ATF7IP: variants seen among roughly 807,000 people sequenced by gnomAD.
ATF7IP encodes activating transcription factor 7 interacting protein, also known as activating transcription factor 7-interacting protein 1.
ATF7IP carries 23 observed loss-of-function variants against 106.4 expected under a neutral mutation model. That is an observed-to-expected ratio of 0.22 (90% CI 0.16 to 0.31). The LOEUF (loss-of-function observed/expected upper bound fraction) is 0.31, where lower values mean the gene tolerates loss of function less well. Ranked by LOEUF, ATF7IP falls within the 10% of genes least tolerant of loss-of-function variation. The pLI, the probability that ATF7IP is intolerant of heterozygous loss-of-function variation, is 1.00. For missense variants in ATF7IP, 1,334 were observed against 1,524.3 expected (o/e 0.88, Z 2.08); for synonymous variants, 542 against 539.0 (o/e 1.01, Z -0.08).
intron 1 of ATF7IP, among the ~76,000 whole-genome samples, chr12:14,366,105 C>A (rs1031850285): frequency 6.6e-6 from 1 of 152,196 alleles, no homozygotes; most frequent in African/African-American, 2.4e-5. Flanking sequence ...ATTTAATTTT[C>A]CTCGTTCTTG....
chr12:14,401,404 C>G (rs1940187120), intron 1 of ATF7IP, among the ~76,000 whole-genome samples: 1 of 152,152 alleles, frequency 6.6e-6, no homozygotes, highest in African/African-American at 2.4e-5. Context: ...ACCATGTTGG[C>G]CAGGCAGGTC....
intron 10 of ATF7IP, 106 bp from the exon 11 acceptor site, chr12:14,475,784 A>T: frequency 1.3e-6 from 1 of 779,870 alleles, no homozygotes; most frequent in Non-Finnish European, 2.0e-6. Context: ...GTCCAGATTG[A>T]ACCAGGTTAC....
chr12:14,419,547 C>A (rs955461183), intron 1 of ATF7IP, among the ~76,000 whole-genome samples: 1 of 152,122 alleles, frequency 6.6e-6, no homozygotes, highest in South Asian at 2.1e-4. Context: ...AACTATACTA[C>A]TTATATTATA....
chr12:14,382,738 G>A (rs1939049703), intron 1 of ATF7IP, among the ~76,000 whole-genome samples: 1 of 152,170 alleles, frequency 6.6e-6, no homozygotes, highest in South Asian at 2.1e-4. Context: ...CTATGGAAGA[G>A]AATGGAAAAT....
intron 9 of ATF7IP, among the ~76,000 whole-genome samples, chr12:14,462,031 G>A (rs1228033363): frequency 1.3e-5 from 2 of 152,058 alleles, no homozygotes; most frequent in African/African-American, 4.8e-5. Flanking sequence ...TACTCCCTAA[G>A]TGTTTTCTCA....
chr12:14,471,135 G>T (rs1169295240), intron 10 of ATF7IP, among the ~76,000 whole-genome samples: 1 of 152,094 alleles, frequency 6.6e-6, no homozygotes, highest in Non-Finnish European at 1.5e-5. Flanking sequence ...ATTGGATTTA[G>T]AAAATATCCT....
At chr12:14,392,941 AG>A (rs1939645767) in intron 1 of ATF7IP, among the ~76,000 whole-genome samples, 1 of 152,228 alleles carries the variant, frequency 6.6e-6, no homozygotes, top group African/African-American at 2.4e-5. Context: ...ATTGATCTAC[AG>A]TGGGTTGAAA....
intron 1 of ATF7IP, among the ~76,000 whole-genome samples, chr12:14,383,817 C>G (rs141769299): frequency 6.6e-6 from 1 of 152,166 alleles, no homozygotes; most frequent in South Asian, 2.1e-4. Flanking sequence ...CCGCCTTGGC[C>G]TCCCAGAGTG....
chr12:14,452,169 CTCT>C (rs1254336264), intron 6 of ATF7IP, among the ~76,000 whole-genome samples: 2 of 152,164 alleles, frequency 1.3e-5, no homozygotes, highest in Non-Finnish European at 2.9e-5. Context: ...CATCCTTACT[CTCT>C]TCTTGTTACC....
At chr12:14,405,564 A>G (rs1940531838) in intron 1 of ATF7IP, among the ~76,000 whole-genome samples, 1 of 151,452 alleles carries the variant, frequency 6.6e-6, no homozygotes. Context: ...ACAGGTGTGC[A>G]CCACCACACC....
chr12:14,488,723 A>G (rs1184976665), intron 13 of ATF7IP, among the ~76,000 whole-genome samples: 1 of 152,202 alleles, frequency 6.6e-6, no homozygotes, highest in East Asian at 1.9e-4. Flanking sequence ...AAAGAGGGTA[A>G]TAAGGCCATA....
At chr12:14,390,402 A>G (rs543679670) in intron 1 of ATF7IP, among the ~76,000 whole-genome samples, 8 of 152,354 alleles carry the variant, frequency 5.3e-5, no homozygotes, top group African/African-American at 1.9e-4. Context: ...ATTGAAAGTG[A>G]AGAGATTAAA....
chr12:14,396,914 A>G (rs1018767391), intron 1 of ATF7IP, among the ~76,000 whole-genome samples: 3 of 152,086 alleles, frequency 2.0e-5, no homozygotes, highest in Non-Finnish European at 4.4e-5. Flanking sequence ...TAATCCCAGC[A>G]CTTTGGGAGG....
chr12:14,482,869 A>G (rs113774140), intron 13 of ATF7IP, among the ~76,000 whole-genome samples: 313 of 152,348 alleles, frequency 2.1e-3, no homozygotes, highest in African/African-American at 6.8e-3. Flanking sequence ...TAATACAACT[A>G]TCCTTTGTAC....
chr12:14,405,032 C>T (rs75009428), intron 1 of ATF7IP, among the ~76,000 whole-genome samples: 7,576 of 152,066 alleles, frequency 0.05, 638 homozygotes, highest in African/African-American at 0.17. Flanking sequence ...GAAACTAAGT[C>T]GATTGCAGAC....
intron 2 of ATF7IP, among the ~76,000 whole-genome samples, chr12:14,428,289 AT>A (rs1335116847): frequency 1.3e-5 from 2 of 152,252 alleles, no homozygotes; most frequent in East Asian, 3.8e-4. Flanking sequence ...TCCATGTTGC[AT>A]ACTTTGAAAA....
chr12:14,424,437 AACCTCTGGTGATGCC>A lies in ATF7IP; in HGVS notation c.523_537del (p.Thr175_Ala179del), dbSNP rs770895608. 6.2e-7 allele frequency: 1 copy of A among 1,612,884 alleles called. No individual in the cohort carries two copies. Among genetic ancestry groups the A allele is most frequent in the Non-Finnish European group, 8.5e-7 (1 of 1,179,598 alleles). On this transcript the variant is annotated inframe_deletion, in exon 2 of 15. Transcript: ENST00000261168. The stretch of plus-strand genomic sequence containing the variant: ...CTAGTGATGCTGCCTCTGGTGATGC[AACCTCTGGTGATGCC>A]CCTTCTGGTGATGTGTCCCCTGGTG...
At chr12:14,462,136 A>T (rs1943664713) in intron 9 of ATF7IP, among the ~76,000 whole-genome samples, 1 of 152,076 alleles carries the variant, frequency 6.6e-6, no homozygotes, top group African/African-American at 2.4e-5. Context: ...ATCACTCATC[A>T]TTATCATATT....
In ATF7IP at chr12:14,405,000, C is replaced by T. The variant is rs182060800; in HGVS notation, c.-7-18909C>T. On this transcript the variant is annotated intron_variant, in intron 1 of 14. Coordinates refer to ENST00000261168, the MANE Select transcript of ATF7IP (RefSeq NM_018179.5). ...TAAAATATATTAAACTTTTTTTAAT[C>T]GCTTTTAACAGCCCATCCTATGAAA... is the stretch of plus-strand genomic sequence containing the variant. Among the ~76,000 whole-genome samples, 130 of 152,182 alleles carry T rather than the reference C, an allele frequency of 8.5e-4. 1 individual carries two copies. The highest frequency in any genetic ancestry group is 3.4e-3 in the Middle Eastern group (1 of 294).
Sources: gnomAD v4.1 joint callset for allele counts (sites outside exome capture counted in the v4.1 genomes callset) on GRCh38, gnomAD v4.1.1 for gene constraint, MANE v1.5 for transcripts, NCBI Gene and HGNC (gene_info 2026-07-23, HGNC 2026-07-21) for gene names.